The following ZNF487 variants were observed in gnomAD, a reference collection of about 807,000 sequenced individuals.
The protein encoded by ZNF487 is KRAB domain only 1.
Under a neutral mutation model 3.0 loss-of-function variants are expected in ZNF487, and 4 were observed. That is an observed-to-expected ratio of 1.35 (90% CI 0.66 to 3.08). The LOEUF (loss-of-function observed/expected upper bound fraction) is 3.08. ZNF487 is among the 30% of genes most tolerant of loss of function. The probability of loss-of-function intolerance (pLI) is 0.01; values close to 1 mark genes in which losing one functional copy is unlikely to be tolerated. For missense variants in ZNF487, 146 were observed against 98.7 expected (o/e 1.48, Z -2.03); for synonymous variants, 55 against 34.6 (o/e 1.59, Z -2.06).
intron 1 of ZNF487, among the ~76,000 whole-genome samples, chr10:43,456,961 C>T (rs1322018388): frequency 2.6e-5 from 4 of 152,328 alleles, no homozygotes; most frequent in Non-Finnish European, 5.9e-5. Context: ...GAGAGCTTCC[C>T]ATACTATGCC....
At chr10:43,498,475 C>T in the ZNF487 span, among the ~76,000 whole-genome samples, 12 of 150,516 alleles carry the variant, frequency 8.0e-5, no homozygotes, top group Admixed American at 6.6e-4. Flanking sequence ...GACGGGGTTT[C>T]GCCACAGTGG....
At chr10:43,449,184 A>C (rs1288808008) in intron 1 of ZNF487, among the ~76,000 whole-genome samples, 1 of 151,960 alleles carries the variant, frequency 6.6e-6, no homozygotes, top group East Asian at 1.9e-4. Context: ...CTGTAATCCC[A>C]GCTACTTTGG....
chr10:43,519,420 C>T, the ZNF487 span, among the ~76,000 whole-genome samples: 1 of 151,686 alleles, frequency 6.6e-6, no homozygotes, highest in Non-Finnish European at 1.5e-5. Flanking sequence ...ACTAGCCTGG[C>T]AGGATAAATC....
At chr10:43,459,926 C>T (rs12245541) in intron 1 of ZNF487, among the ~76,000 whole-genome samples, 10,808 of 151,304 alleles carry the variant, frequency 0.071, 541 homozygotes, top group East Asian at 0.2. Context: ...CTCAGCCTCC[C>T]GAGTAGCTGG....
the ZNF487 span, among the ~76,000 whole-genome samples, chr10:43,513,573 G>T: frequency 6.6e-6 from 1 of 152,170 alleles, no homozygotes. Context: ...CCAGGGATGT[G>T]ATATTGTTTT....
the ZNF487 span, among the ~76,000 whole-genome samples, chr10:43,507,335 C>T: frequency 3.3e-5 from 5 of 152,218 alleles, no homozygotes; most frequent in Admixed American, 6.5e-5. Flanking sequence ...CTGAGGTTAG[C>T]GGAAAGGAAG....
chr10:43,467,164 C>T (rs1406300162), intron 1 of ZNF487, among the ~76,000 whole-genome samples: 12 of 151,780 alleles, frequency 7.9e-5, no homozygotes, highest in Admixed American at 2.0e-4. Context: ...CATGAGCCGC[C>T]GCACCCGGCC....
At chr10:43,471,252 G>A (rs113904279) in intron 1 of ZNF487, among the ~76,000 whole-genome samples, 14 of 152,092 alleles carry the variant, frequency 9.2e-5, no homozygotes, top group African/African-American at 1.7e-4. Context: ...TGGCTGCTCC[G>A]GGCACTGGCA....
intron 1 of ZNF487, among the ~76,000 whole-genome samples, chr10:43,438,264 A>C (rs1035272154): frequency 6.6e-6 from 1 of 152,036 alleles, no homozygotes; most frequent in Non-Finnish European, 1.5e-5. Flanking sequence ...TGGCTCACTG[A>C]AACCTCCACC....
At chr10:43,513,763 C>G in the ZNF487 span, among the ~76,000 whole-genome samples, 1 of 152,102 alleles carries the variant, frequency 6.6e-6, no homozygotes, top group African/African-American at 2.4e-5. Flanking sequence ...AGTCCGGGGA[C>G]CCACTGGACC....
intron 1 of ZNF487, among the ~76,000 whole-genome samples, chr10:43,440,040 T>TTA (rs1199149912): frequency 5.3e-5 from 6 of 113,138 alleles, no homozygotes; most frequent in Non-Finnish European, 3.9e-5. Flanking sequence ...AAGTTTTGTT[T>TTA]TATATATATA....
intron 1 of ZNF487, among the ~76,000 whole-genome samples, chr10:43,464,767 T>G (rs1000975107): frequency 7.2e-5 from 11 of 152,352 alleles, no homozygotes; most frequent in African/African-American, 2.6e-4. Flanking sequence ...CCATGTCTAC[T>G]TCTTTCTACA....
chr10:43,473,109 C>CTTT (rs367584724), intron 1 of ZNF487, among the ~76,000 whole-genome samples: 1 of 134,724 alleles, frequency 7.4e-6, no homozygotes. Flanking sequence ...TATTAGGACA[C>CTTT]TTTTTTTTTT....
the ZNF487 span, among the ~76,000 whole-genome samples, chr10:43,508,949 T>A: frequency 6.6e-6 from 1 of 152,026 alleles, no homozygotes; most frequent in Non-Finnish European, 1.5e-5. Context: ...GCTCCCAGCA[T>A]TTCAAGAGGC....
chr10:43,442,402 GTC>G (rs1188553672), intron 1 of ZNF487, among the ~76,000 whole-genome samples: 10 of 152,006 alleles, frequency 6.6e-5, no homozygotes, highest in African/African-American at 2.4e-4. Context: ...AACATAGTAC[GTC>G]TCTTCATTTG....
intron 1 of ZNF487, chr10:43,458,241 C>T (rs990754696): frequency 6.6e-6 from 1 of 152,144 alleles, no homozygotes; most frequent in African/African-American, 2.4e-5. Context: ...GTGGGCAGAG[C>T]ACACTTTGGT....
chr10:43,471,077 C>A (rs1257973995), intron 1 of ZNF487, among the ~76,000 whole-genome samples: 1 of 152,136 alleles, frequency 6.6e-6, no homozygotes, highest in Non-Finnish European at 1.5e-5. Flanking sequence ...GCTGGTTCCT[C>A]CTTTTCTTCC....
At chr10:43,497,090 A>G in the ZNF487 span, among the ~76,000 whole-genome samples, 2 of 152,206 alleles carry the variant, frequency 1.3e-5, no homozygotes, top group Non-Finnish European at 2.9e-5. Flanking sequence ...ATTCTTGCCT[A>G]TCTCATTTTA....
At chr10:43,437,823 A>G (rs1367709129) in intron 1 of ZNF487, among the ~76,000 whole-genome samples, 1 of 151,546 alleles carries the variant, frequency 6.6e-6, no homozygotes, top group Non-Finnish European at 1.5e-5. Flanking sequence ...AGCTTTACTA[A>G]GTTTGTATTC....
Sources: gnomAD v4.1 joint callset for allele counts (sites outside exome capture counted in the v4.1 genomes callset) on GRCh38, gnomAD v4.1.1 for gene constraint, MANE v1.5 for transcripts, NCBI Gene and HGNC (gene_info 2026-07-23, HGNC 2026-07-21) for gene names.